The following SEC31A variants were observed in gnomAD, a reference collection of about 807,000 sequenced individuals.
The protein encoded by SEC31A is protein transport protein Sec31A.
SEC31A carries 70 observed loss-of-function variants against 151.0 expected under a neutral mutation model. The ratio of observed to expected loss-of-function variants is 0.46; its 90% CI spans 0.38 to 0.57. The LOEUF is 0.57. Ranked by LOEUF, SEC31A falls within the 20% of genes least tolerant of loss-of-function variation. The pLI is 0.00. For synonymous variants in SEC31A, 475 were observed against 505.9 expected, an observed-to-expected ratio of 0.94 and a Z score of 0.82; for missense variants, 1,330 against 1,471.2, an observed-to-expected ratio of 0.90 and a Z score of 1.57.
At chr4:82,889,573 A>C (rs1741787200) in intron 1 of SEC31A, among the ~76,000 whole-genome samples, 1 of 151,894 alleles carries the variant, frequency 6.6e-6, no homozygotes, top group East Asian at 1.9e-4. Flanking sequence ...TAAAAGAAAA[A>C]AAAAGAAAAT....
In SEC31A at chr4:82,857,728, G is replaced by A. The variant is rs776993519; in HGVS notation, c.1663C>T (p.Pro555Ser). 6 of 1,603,616 alleles carry A rather than the reference G, an allele frequency of 3.7e-6. No homozygotes were observed. The highest frequency in any genetic ancestry group is 1.1e-5 in the South Asian group (1 of 90,858). The change falls in exon 15 of 27, where the codon CCC becomes TCC. Residue 555 changes from proline to serine, a missense_variant. Physicochemically the swap from Pro to Ser is moderately conservative, Grantham distance 74. Transcript: ENST00000395310. Reference sequence around the variant, plus strand: ...ATATTAAATGTTCCTCCAGATGAGGGTAGAAATTCAGATTCTTCTTTTTCC... The same window carrying A: ...ATATTAAATGTTCCTCCAGATGAGGATAGAAATTCAGATTCTTCTTTTTCC... ...KEEKEESEFLPSSGGTFNISV... is the reference protein window; with the variant it reads ...KEEKEESEFLSSSGGTFNISV...
chr4:82,843,129 GTTT>G (rs367954736), intron 21 of SEC31A, among the ~76,000 whole-genome samples: 1 of 141,112 alleles, frequency 7.1e-6, no homozygotes, highest in South Asian at 2.3e-4. Flanking sequence ...GGAGTTGTGG[GTTT>G]TTTTTTTTTT....
chr4:82,892,792 A>C (rs978607410), upstream of SEC31A, among the ~76,000 whole-genome samples: 4 of 152,316 alleles, frequency 2.6e-5, no homozygotes, highest in East Asian at 3.9e-4. Context: ...AATTTATGCA[A>C]GTTTTCTCAG....
At chr4:82,864,729 C>T in intron 10 of SEC31A, 131 bp from the exon 11 acceptor site, 1 of 633,120 alleles carries the variant, frequency 1.6e-6, no homozygotes, top group Non-Finnish European at 2.7e-6. Flanking sequence ...CACAGTCTGA[C>T]ACCACTTCAA....
chr4:82,830,202 G>A (rs1447439919), intron 22 of SEC31A, among the ~76,000 whole-genome samples: 1 of 152,224 alleles, frequency 6.6e-6, no homozygotes, highest in Admixed American at 6.5e-5. Flanking sequence ...AGTGGCTCAT[G>A]CCTGTAATTC....
intron 22 of SEC31A, among the ~76,000 whole-genome samples, chr4:82,841,846 T>C (rs1728959549): frequency 7.0e-6 from 1 of 143,236 alleles, no homozygotes; most frequent in African/African-American, 2.6e-5. Flanking sequence ...GTGGTGCATG[T>C]CTGTTATCCC....
At chr4:82,884,558 A>C (rs1484592282) in intron 1 of SEC31A, among the ~76,000 whole-genome samples, 2 of 152,198 alleles carry the variant, frequency 1.3e-5, no homozygotes, top group African/African-American at 4.8e-5. Context: ...ACATGAACAC[A>C]TCATTATCAC....
chr4:82,853,772 C>T, intron 17 of SEC31A, 57 bp from the exon 18 acceptor site: 1 of 1,340,244 alleles, frequency 7.5e-7, no homozygotes, highest in Non-Finnish European at 1.0e-6. Flanking sequence ...GTATATGAGG[C>T]TGTGAGCAGC....
intron 5 of SEC31A, 33 bp from the exon 6 acceptor site, chr4:82,874,784 T>C: frequency 1.3e-6 from 2 of 1,582,018 alleles, no homozygotes; most frequent in South Asian, 2.4e-5. Flanking sequence ...AAAAACTGCT[T>C]GTTTCTCTAT....
chr4:82,841,741 G>A (rs1478729637), intron 22 of SEC31A, among the ~76,000 whole-genome samples: 1 of 151,772 alleles, frequency 6.6e-6, no homozygotes, highest in Admixed American at 6.6e-5. Flanking sequence ...GGAGGCCGAA[G>A]CGGGTGGATC....
intron 17 of SEC31A, 88 bp from the exon 18 acceptor site, chr4:82,853,803 A>G: frequency 9.4e-7 from 1 of 1,066,146 alleles, no homozygotes. Flanking sequence ...TTTCAGAGGC[A>G]TGGATTAAGC....
chr4:82,891,964 T>G (rs1369439268), upstream of SEC31A, among the ~76,000 whole-genome samples: 1 of 152,236 alleles, frequency 6.6e-6, no homozygotes, highest in East Asian at 1.9e-4. Flanking sequence ...AGACAAGTTC[T>G]TTTCTCATTA....
intron 7 of SEC31A, among the ~76,000 whole-genome samples, chr4:82,871,146 A>G (rs1736567485): frequency 6.6e-6 from 1 of 152,242 alleles, no homozygotes; most frequent in African/African-American, 2.4e-5. Context: ...TGGTGGCTCT[A>G]TCCTGGGCAA....
At chr4:82,879,241 C>A (rs1578367441) in intron 3 of SEC31A, among the ~76,000 whole-genome samples, 1 of 151,920 alleles carries the variant, frequency 6.6e-6, no homozygotes, top group East Asian at 1.9e-4. Context: ...AACTGTGAGA[C>A]CCTAAGTTAC....
chr4:82,868,741 G>C (rs1735965407), intron 8 of SEC31A, among the ~76,000 whole-genome samples: 1 of 151,968 alleles, frequency 6.6e-6, no homozygotes, highest in Admixed American at 6.6e-5. Flanking sequence ...TGATGACTAG[G>C]CTGGAGTGCA....
At chr4:82,823,767 TG>T (rs1395359354) in intron 25 of SEC31A, among the ~76,000 whole-genome samples, 1 of 152,246 alleles carries the variant, frequency 6.6e-6, no homozygotes, top group Non-Finnish European at 1.5e-5. Context: ...CTTTAGAAGA[TG>T]ATCTATCTAC....
intron 6 of SEC31A, among the ~76,000 whole-genome samples, chr4:82,873,970 T>G (rs1713897281): frequency 6.6e-6 from 1 of 152,106 alleles, no homozygotes; most frequent in African/African-American, 2.4e-5. Context: ...CAGGAAAAAT[T>G]TTTACATTCT....
rs1361325476 is a variant in SEC31A, at chr4:82,891,093, G to A, written c.-10C>T. Reference sequence around the variant, plus strand: ...AAAGCAACGGGCGGACGCACCTGGCGAGGACCTTCGGCAGCCGGATCCTGC... The same window carrying A: ...AAAGCAACGGGCGGACGCACCTGGCAAGGACCTTCGGCAGCCGGATCCTGC... On this transcript the variant is annotated 5_prime_UTR_variant, in exon 1 of 27. Coordinates refer to ENST00000395310, the MANE Select transcript of SEC31A (RefSeq NM_001077207.4). The A allele has an allele frequency of 3.9e-6, 6 of 1,535,950 alleles. No individual in the cohort carries two copies. Among genetic ancestry groups the A allele is most frequent in the Admixed American group, 2.0e-5 (1 of 51,002 alleles).
chr4:82,821,886 A>G (rs757375450), intron 25 of SEC31A, among the ~76,000 whole-genome samples: 3 of 152,232 alleles, frequency 2.0e-5, no homozygotes, highest in Non-Finnish European at 4.4e-5. Context: ...CAAAAATACT[A>G]CTTAAACACT....
Sources: gnomAD v4.1 joint callset for allele counts (sites outside exome capture counted in the v4.1 genomes callset) on GRCh38, gnomAD v4.1.1 for gene constraint, MANE v1.5 for transcripts, NCBI Gene and HGNC (gene_info 2026-07-23, HGNC 2026-07-21) for gene names.